DIRAS2: variants seen among roughly 807,000 people sequenced by gnomAD.
The protein encoded by DIRAS2 is GTP-binding protein Di-Ras2.
DIRAS2 carries 5 observed loss-of-function variants against 13.9 expected under a neutral mutation model. The ratio of observed to expected loss-of-function variants is 0.36; its 90% CI spans 0.19 to 0.76. The LOEUF (loss-of-function observed/expected upper bound fraction) is 0.76. DIRAS2 is among the 30% of genes least tolerant of loss of function. DIRAS2 has a pLI of 0.53. For synonymous variants in DIRAS2, 111 were observed against 105.4 expected, an observed-to-expected ratio of 1.05 and a Z score of -0.33; for missense variants, 191 against 263.0, an observed-to-expected ratio of 0.73 and a Z score of 1.89.
chr9:90,628,422 G>A (rs538215560), intron 1 of DIRAS2, among the ~76,000 whole-genome samples: 106 of 152,244 alleles, frequency 7.0e-4, no homozygotes, highest in African/African-American at 2.4e-3. Context: ...TGATCATCTT[G>A]CCATTTCAGA....
At chr9:90,623,852 T>A (rs1825243980) in intron 1 of DIRAS2, among the ~76,000 whole-genome samples, 2 of 152,284 alleles carry the variant, frequency 1.3e-5, no homozygotes, top group South Asian at 4.1e-4. Context: ...CCAACCTGGG[T>A]GATACAATGA....
chr9:90,627,856 G>A (rs967183484), intron 1 of DIRAS2, among the ~76,000 whole-genome samples: 1 of 151,986 alleles, frequency 6.6e-6, no homozygotes, highest in Non-Finnish European at 1.5e-5. Flanking sequence ...AAACAGCAAG[G>A]GTCAGGGGTT....
chr9:90,618,268 T>A (rs1825188205), intron 1 of DIRAS2, among the ~76,000 whole-genome samples: 1 of 152,182 alleles, frequency 6.6e-6, no homozygotes, highest in Admixed American at 6.5e-5. Flanking sequence ...TAAACCCTCA[T>A]ATTTACAGTC....
chr9:90,631,300 G>GA (rs1408427598), intron 1 of DIRAS2, among the ~76,000 whole-genome samples: 1 of 152,206 alleles, frequency 6.6e-6, no homozygotes, highest in Non-Finnish European at 1.5e-5. Flanking sequence ...ATGGAGAGAG[G>GA]AAAGCAGATG....
rs532609527 is a variant in DIRAS2, at chr9:90,637,869, G to T, written c.-37+4883C>A. Among the ~76,000 whole-genome samples, 10 of 152,304 alleles carry T rather than the reference G, an allele frequency of 6.6e-5. No individual in the cohort carries two copies. In the East Asian group the frequency reaches 1.9e-3, roughly 29 times the overall value. ...GATCAGCTGAATCAGAGTCGCATGG[G>T]TTTGAAGTCAGCAGTCTCAGGCTTA... On this transcript the variant is annotated intron_variant, in intron 1 of 1. Coordinates refer to ENST00000375765, the MANE Select transcript of DIRAS2 (RefSeq NM_017594.5).
At position 90,613,738 on chromosome 9, in the gene DIRAS2, G is replaced by A. The variant is rs745740395; in HGVS notation, c.90C>T (p.Gly30=). 5.6e-6 allele frequency: 9 copies of A among 1,614,172 alleles called. No homozygotes were observed. The highest frequency in any genetic ancestry group is 7.6e-6 in the Non-Finnish European group (9 of 1,180,044). The change falls in exon 2 of 2, where the codon GGC becomes GGT. Residue 30 remains glycine, a synonymous_variant. Transcript: ENST00000375765. The surrounding 1 kb of genome is among the most constrained non-coding windows in gnomAD (Gnocchi z 5.6). ...KSSLVLRFVK[G]TFRESYIPTV... ...TCGGGATGTAGCTCTCCCGGAATGT[G>A]CCTTTCACAAACCTCAACACCAGGG...
rs1825104056 is a variant in DIRAS2 at position 90,610,714 on chromosome 9, G to T, written c.*2514C>A. Reference sequence around the variant, plus strand: ...AAAAGACGATTTTGAGATAACCATTGATATCCTCAGTTCAGCTCATAGAAA... The same window carrying T: ...AAAAGACGATTTTGAGATAACCATTTATATCCTCAGTTCAGCTCATAGAAA... On this transcript the variant is annotated 3_prime_UTR_variant, in exon 2 of 2. Coordinates refer to ENST00000375765, the MANE Select transcript of DIRAS2 (RefSeq NM_017594.5). 1 of 313,482 alleles carries T rather than the reference G, an allele frequency of 3.2e-6. No homozygotes were observed. Among genetic ancestry groups the T allele is most frequent in the African/African-American group, 2.1e-5 (1 of 46,956 alleles). 19.4% of individuals were successfully genotyped at this position (313,482 alleles called of 1,614,324 possible).
At chr9:90,614,587 C>T (rs1264045226) in intron 1 of DIRAS2, among the ~76,000 whole-genome samples, 1 of 152,082 alleles carries the variant, frequency 6.6e-6, no homozygotes, top group Non-Finnish European at 1.5e-5. Flanking sequence ...TGTCAATGCC[C>T]ATCCCATAAG....
At chr9:90,639,913 C>T (rs2118591154) in intron 1 of DIRAS2, among the ~76,000 whole-genome samples, 1 of 152,272 alleles carries the variant, frequency 6.6e-6, no homozygotes, top group African/African-American at 2.4e-5. Flanking sequence ...AACATGTTAG[C>T]TTTTAAATTA....
At chr9:90,625,716 G>A (rs986202728) in intron 1 of DIRAS2, among the ~76,000 whole-genome samples, 3 of 152,148 alleles carry the variant, frequency 2.0e-5, no homozygotes, top group African/African-American at 7.2e-5. Context: ...TTTGTTTACT[G>A]TAACTTTGTA....
Position 90,613,647 on chromosome 9 carries a change from C to T in DIRAS2, c.181G>A (p.Asp61Asn). The change falls in exon 2 of 2, where the codon GAC (aspartate) becomes AAC (asparagine). Residue 61 changes from aspartate (D) to asparagine (N), a missense_variant. Transcript: ENST00000375765. This position sits in a 1 kb window ranked among gnomAD's most constrained non-coding sequence, Gnocchi z 5.6. ...DKSICTLQIT[D>N]TTGSHQFPAM... is the part of the protein sequence containing the mutation. ...GGGAACTGGTGGCTCCCCGTCGTGT[C>T]GGTGATCTGCAATGTGCATATGCTC... is the stretch of plus-strand genomic sequence containing the variant. The T allele has an allele frequency of 1.9e-6, 3 of 1,614,132 alleles. No homozygotes were observed. The highest frequency in any genetic ancestry group is 2.5e-6 in the Non-Finnish European group (3 of 1,180,036).
At chr9:90,626,147 T>G (rs951883489) in intron 1 of DIRAS2, 1 of 142,284 alleles carries the variant, frequency 7.0e-6, no homozygotes, top group Non-Finnish European at 1.5e-5. Flanking sequence ...TGTGCCACTA[T>G]ACTCCAGCCT....
intron 1 of DIRAS2, among the ~76,000 whole-genome samples, chr9:90,618,508 G>A (rs1825190254): frequency 6.6e-6 from 1 of 152,144 alleles, no homozygotes. Flanking sequence ...AGTAAACAGT[G>A]TTTTCTTAGA....
chr9:90,635,167 C>A (rs567205320), intron 1 of DIRAS2, among the ~76,000 whole-genome samples: 1 of 152,272 alleles, frequency 6.6e-6, no homozygotes, highest in African/African-American at 2.4e-5. Flanking sequence ...TCACAAGAGC[C>A]TAGGGGACCA....
chr9:90,641,265 CAAAG>C (rs1435956074), intron 1 of DIRAS2, among the ~76,000 whole-genome samples: 1 of 152,124 alleles, frequency 6.6e-6, no homozygotes, highest in African/African-American at 2.4e-5. Context: ...AAAGCTGTAA[CAAAG>C]AAAGATTCTG....
intron 1 of DIRAS2, among the ~76,000 whole-genome samples, chr9:90,636,749 C>T (rs913158653): frequency 6.6e-6 from 1 of 152,134 alleles, no homozygotes; most frequent in Non-Finnish European, 1.5e-5. Flanking sequence ...CAATTGATAG[C>T]TATTTAGTCA....
chr9:90,615,509 A>C (rs993462644), intron 1 of DIRAS2, among the ~76,000 whole-genome samples: 4 of 152,258 alleles, frequency 2.6e-5, no homozygotes, highest in African/African-American at 9.6e-5. Flanking sequence ...AGGGTGAAGC[A>C]TTGTGATAAA....
intron 1 of DIRAS2, among the ~76,000 whole-genome samples, chr9:90,640,287 C>G (rs1435925018): frequency 6.6e-6 from 1 of 152,198 alleles, no homozygotes; most frequent in East Asian, 1.9e-4. Context: ...TAAGGAATCT[C>G]TTTCCTAAAT....
intron 1 of DIRAS2, among the ~76,000 whole-genome samples, chr9:90,624,598 T>G (rs1279150898): frequency 1.3e-5 from 2 of 152,212 alleles, no homozygotes; most frequent in Admixed American, 6.5e-5. Flanking sequence ...AAGAGGCCAA[T>G]AAGCCCACAG....
Sources: allele counts gnomAD v4.1 joint callset (sites outside exome capture counted in the v4.1 genomes callset), GRCh38; gene constraint gnomAD v4.1.1; non-coding constraint Gnocchi (gnomAD v3.1); transcripts MANE v1.5; gene names NCBI Gene and HGNC (gene_info 2026-07-23, HGNC 2026-07-21).